PDE9A: variants seen among roughly 807,000 people sequenced by gnomAD.
PDE9A encodes the protein phosphodiesterase 9A.
PDE9A carries 60 observed loss-of-function variants against 87.4 expected under a neutral mutation model. The ratio of observed to expected loss-of-function variants is 0.69; its 90% CI spans 0.56 to 0.85. PDE9A has a LOEUF of 0.85. PDE9A is among the 40% of genes least tolerant of loss of function. The probability of loss-of-function intolerance (pLI) is 0.00; values close to 1 mark genes in which losing one functional copy is unlikely to be tolerated. For synonymous variants in PDE9A, 272 were observed against 279.4 expected (o/e 0.97, Z 0.27); for missense variants, 665 against 779.0 (o/e 0.85, Z 1.74).
chr21:42,726,710 C>G (rs1277456136), intron 4 of PDE9A, among the ~76,000 whole-genome samples: 2 of 143,054 alleles, frequency 1.4e-5, no homozygotes, highest in African/African-American at 2.6e-5. Context: ...ATCCTCCAAC[C>G]TCGACCTCCC....
chr21:42,760,790 G>A lies in PDE9A; in HGVS notation c.1003-35G>A, dbSNP rs1461817210. 4.3e-6 allele frequency: 5 copies of A among 1,169,144 alleles called. No homozygotes were observed. The highest frequency in any genetic ancestry group is 1.2e-5 in the South Asian group (1 of 80,114). 72.4% of individuals were successfully genotyped at this position (1,169,144 alleles called of 1,614,324 possible). ...CACCCCATCCCACCCTCCGAGTGAA[G>A]AGAGCAAACACCTACGCCCTGTTTT... is the stretch of plus-strand genomic sequence containing the variant. On this transcript the variant is annotated intron_variant, in intron 12 of 19. Coordinates refer to ENST00000291539, the MANE Select transcript of PDE9A (RefSeq NM_002606.3). The surrounding 1 kb of genome is among the most constrained non-coding windows in gnomAD (Gnocchi z 5.2).
rs116769305 is a variant in PDE9A at position 42,759,561 on chromosome 21, G to C, written c.897+476G>C. The stretch of plus-strand genomic sequence containing the variant: ...GTGTGTGAGTGTGGGGTGTGGGTGT[G>C]AGCATGGGGGTATCTGAGTTTACGG... On this transcript the variant is annotated intron_variant, in intron 11 of 19. Transcript: ENST00000291539. The surrounding 1 kb of genome is among the most constrained non-coding windows in gnomAD (Gnocchi z 7.2). Among the ~76,000 whole-genome samples the C allele has an allele frequency of 0.015, 2,260 of 151,458 alleles. 36 individuals are homozygous for C. Among genetic ancestry groups the C allele is most frequent in the African/African-American group, 0.042 (1,747 of 41,282 alleles).
intron 1 of PDE9A, among the ~76,000 whole-genome samples, chr21:42,684,725 C>A (rs1232117550): frequency 6.6e-6 from 1 of 152,168 alleles, no homozygotes; most frequent in African/African-American, 2.4e-5. Context: ...GGGCCAGGAC[C>A]AAGCTGCATA....
At chr21:42,714,556 T>A (rs941340103) in intron 4 of PDE9A, among the ~76,000 whole-genome samples, 2 of 149,112 alleles carry the variant, frequency 1.3e-5, no homozygotes, top group Admixed American at 1.3e-4. Flanking sequence ...TTTGTCGATA[T>A]GGTTGGGGTT....
At chr21:42,735,354 G>A (rs756955569) in intron 7 of PDE9A, among the ~76,000 whole-genome samples, 1 of 152,238 alleles carries the variant, frequency 6.6e-6, no homozygotes, top group Admixed American at 6.5e-5. Flanking sequence ...AGGTCTAGCT[G>A]CAAGGCAGGC....
intron 4 of PDE9A, among the ~76,000 whole-genome samples, chr21:42,712,636 GT>G (rs1379348538): frequency 2.0e-5 from 3 of 152,196 alleles, no homozygotes; most frequent in African/African-American, 7.2e-5. Flanking sequence ...TACATACGAT[GT>G]TAGCCACAGA....
rs756497907 is a variant in PDE9A, at chr21:42,759,100, C to T, written c.897+15C>T. The stretch of plus-strand genomic sequence containing the variant: ...GGAGGTGGCTGGTGAGTGCCAAACC[C>T]GCCTTCGGTTCTTCCTGGGCACGTG... On this transcript the variant is annotated intron_variant, in intron 11 of 19. Transcript: ENST00000291539. This position sits in a 1 kb window ranked among gnomAD's most constrained non-coding sequence, Gnocchi z 7.2. 1 of 1,593,636 alleles carries T rather than the reference C, an allele frequency of 6.3e-7. No homozygotes were observed. Among genetic ancestry groups the T allele is most frequent in the Non-Finnish European group, 8.6e-7 (1 of 1,161,526 alleles).
At chr21:42,693,348 G>C (rs1366629154) in intron 3 of PDE9A, among the ~76,000 whole-genome samples, 1 of 150,330 alleles carries the variant, frequency 6.7e-6, no homozygotes, top group East Asian at 2.0e-4. Flanking sequence ...GCCCAGGCTG[G>C]AGTGCAGTGG....
At chr21:42,708,543 G>C (rs2049026953) in intron 4 of PDE9A, among the ~76,000 whole-genome samples, 3 of 152,176 alleles carry the variant, frequency 2.0e-5, no homozygotes, top group African/African-American at 7.2e-5. Context: ...AGTTTGATGA[G>C]TTTTGTTTTG....
At position 42,659,159 on chromosome 21, in the gene PDE9A, CAG is replaced by C. The variant is rs1419027874; in HGVS notation, c.69+5277_69+5278del. Among the ~76,000 whole-genome samples, 2 of 152,166 alleles carry C rather than the reference CAG, an allele frequency of 1.3e-5. No individual in the cohort carries two copies. Among genetic ancestry groups the C allele is most frequent in the African/African-American group, 4.8e-5 (2 of 41,428 alleles). ...TTTTAGCCCAAGGGTGCCGAAAAGT[CAG>C]GGAGCTGCTGGCCTCCACACTCCTT... On this transcript the variant is annotated intron_variant, in intron 1 of 19. Transcript: ENST00000291539. The surrounding 1 kb of genome is among the most constrained non-coding windows in gnomAD (Gnocchi z 4.1).
intron 1 of PDE9A, among the ~76,000 whole-genome samples, chr21:42,676,315 T>C (rs771417154): frequency 2.0e-5 from 3 of 152,240 alleles, no homozygotes; most frequent in Non-Finnish European, 4.4e-5. Flanking sequence ...TTCTTGCCTG[T>C]GTAGACTCTT....
rs2050698862 is a variant in PDE9A, at chr21:42,723,110, C to T, written c.263-8660C>T. ...AGCTGCGTCCTGCCCAGGAATGAGG[C>T]TGGCAGCCCATAGGCCCCTCCTTGG... On this transcript the variant is annotated intron_variant, in intron 4 of 19. Coordinates refer to ENST00000291539, the MANE Select transcript of PDE9A (RefSeq NM_002606.3). This position sits in a 1 kb window ranked among gnomAD's most constrained non-coding sequence, Gnocchi z 4.3. Among the ~76,000 whole-genome samples the T allele has an allele frequency of 6.6e-6, 1 of 152,250 alleles. No homozygotes were observed. Among genetic ancestry groups the T allele is most frequent in the Non-Finnish European group, 1.5e-5 (1 of 68,032 alleles).
rs778094999 is a variant in PDE9A at position 42,765,466 on chromosome 21, AC to A, written c.1329del (p.Tyr444ThrfsTer7). On this transcript the variant is annotated frameshift_variant, in exon 15 of 20. Coordinates refer to ENST00000291539, the MANE Select transcript of PDE9A (RefSeq NM_002606.3). LOFTEE classifies it high-confidence loss of function. ...DSFKEKMENF[D>X]YSNEEHMTLL... ...TTCAAAGAGAAAATGGAGAATTTTG[AC>A]TACAGCAACGAGGAGCACATGACCC... The A allele has an allele frequency of 6.2e-7, 1 of 1,610,828 alleles. No individual in the cohort carries two copies. The highest frequency in any genetic ancestry group is 8.5e-7 in the Non-Finnish European group (1 of 1,177,042).
At chr21:42,682,090 G>A (rs141115545) in intron 1 of PDE9A, among the ~76,000 whole-genome samples, 31 of 152,364 alleles carry the variant, frequency 2.0e-4, no homozygotes, top group African/African-American at 6.7e-4. Flanking sequence ...CCACTTTGGC[G>A]CCGCTGGAGA....
In PDE9A at chr21:42,760,572, A is replaced by G; in HGVS notation, c.1002+140A>G. ...GCCGCTCCGCCCCTCCTAGGGACGC[A>G]CCCCTGCCCACCGTTGTCAGTCACC... On this transcript the variant is annotated intron_variant, in intron 12 of 19. Transcript: ENST00000291539. The surrounding 1 kb of genome is among the most constrained non-coding windows in gnomAD (Gnocchi z 5.2). 1 of 635,726 alleles carries G rather than the reference A, an allele frequency of 1.6e-6. No homozygotes were observed. 39.4% of individuals were successfully genotyped at this position (635,726 alleles called of 1,614,324 possible). A position where few individuals can be genotyped will look rare whatever the true frequency, so the allele number is the denominator to read the frequency against.
rs1260580481 is a variant in PDE9A, at chr21:42,675,175, C to A, written c.70-11017C>A. On this transcript the variant is annotated intron_variant, in intron 1 of 19. Coordinates refer to ENST00000291539, the MANE Select transcript of PDE9A (RefSeq NM_002606.3). The surrounding 1 kb of genome is among the most constrained non-coding windows in gnomAD (Gnocchi z 4.3). ...TTGTGTCCTGATCATTTTCACTCAG[C>A]ATTACATCAGCAGCGGTTTCCAATA... Among the ~76,000 whole-genome samples the A allele has an allele frequency of 6.6e-6, 1 of 152,242 alleles. No individual in the cohort carries two copies. Among genetic ancestry groups the A allele is most frequent in the Non-Finnish European group, 1.5e-5 (1 of 68,044 alleles).
intron 4 of PDE9A, among the ~76,000 whole-genome samples, chr21:42,712,612 C>T (rs1016414321): frequency 2.6e-5 from 4 of 152,212 alleles, no homozygotes; most frequent in African/African-American, 9.6e-5. Flanking sequence ...GAGATGCCTT[C>T]GGTCTCTCAC....
At chr21:42,693,524 T>C (rs2059980652) in intron 3 of PDE9A, among the ~76,000 whole-genome samples, 1 of 151,164 alleles carries the variant, frequency 6.6e-6, no homozygotes, top group Non-Finnish European at 1.5e-5. Flanking sequence ...TCTCCTGACC[T>C]CGTGATCCAC....
At chr21:42,712,391 A>T (rs2049433088) in intron 4 of PDE9A, among the ~76,000 whole-genome samples, 1 of 152,206 alleles carries the variant, frequency 6.6e-6, no homozygotes, top group Admixed American at 6.5e-5. Context: ...GAATTTGCTT[A>T]ATTCATTGGT....
Sources: gnomAD v4.1 joint callset for allele counts (sites outside exome capture counted in the v4.1 genomes callset) on GRCh38, gnomAD v4.1.1 for gene constraint, Gnocchi (gnomAD v3.1) non-coding constraint, MANE v1.5 for transcripts, NCBI Gene and HGNC (gene_info 2026-07-23, HGNC 2026-07-21) for gene names.